The following BCAS3 variants were observed in gnomAD, a reference collection of about 807,000 sequenced individuals.
The protein encoded by BCAS3 is BCAS4/BCAS3 fusion.
BCAS3 carries 53 observed loss-of-function variants against 116.1 expected under a neutral mutation model. That is an observed-to-expected ratio of 0.46 (90% CI 0.37 to 0.57). The LOEUF is 0.57. Among genes scored for constraint, BCAS3 ranks in the 20% least tolerant of loss-of-function variants. The probability of loss-of-function intolerance (pLI) is 0.00; values close to 1 mark genes in which losing one functional copy is unlikely to be tolerated. For synonymous variants in BCAS3, 391 were observed against 408.2 expected (o/e 0.96, Z 0.51); for missense variants, 917 against 1,165.4 (o/e 0.79, Z 3.10).
chr17:60,762,557 T>C (rs2043646973), intron 6 of BCAS3, among the ~76,000 whole-genome samples: 1 of 152,224 alleles, frequency 6.6e-6, no homozygotes, highest in African/African-American at 2.4e-5. Context: ...CTTTGGTCTA[T>C]ATCTCTGTTT....
At chr17:60,727,488 C>T in intron 5 of BCAS3, 4 of 1,521,986 alleles carry the variant, frequency 2.6e-6, no homozygotes, top group Non-Finnish European at 2.6e-6. Flanking sequence ...ACCATCTTTG[C>T]AGCAGGGCTG....
Position 60,752,079 on chromosome 17 carries a change from G to A in BCAS3, c.403+4800G>A, listed in dbSNP as rs542115665. Among the ~76,000 whole-genome samples, 9 of 151,746 alleles carry A rather than the reference G, an allele frequency of 5.9e-5. No individual in the cohort carries two copies. The South Asian group carries it at 1.7e-3, about 28-fold the overall frequency. Reference sequence around the variant, plus strand: ...TTTTTCCCCTTAACTATTCACACATGCATAACACTAACTTATATTATTATG... The same window carrying A: ...TTTTTCCCCTTAACTATTCACACATACATAACACTAACTTATATTATTATG... On this transcript the variant is annotated intron_variant, in intron 6 of 23. Transcript: ENST00000407086.
chr17:60,716,073 A>G (rs749453227), intron 5 of BCAS3, among the ~76,000 whole-genome samples: 3 of 151,338 alleles, frequency 2.0e-5, no homozygotes, highest in Non-Finnish European at 4.4e-5. Context: ...ATGTTGGTCA[A>G]GCTGGTCTCG....
At chr17:60,792,267 G>A (rs1012314696) in intron 6 of BCAS3, among the ~76,000 whole-genome samples, 1 of 152,250 alleles carries the variant, frequency 6.6e-6, no homozygotes, top group East Asian at 1.9e-4. Context: ...ACAGGCAGAA[G>A]CCCCACCTTC....
At chr17:60,765,061 C>G (rs976254342) in intron 6 of BCAS3, among the ~76,000 whole-genome samples, 3 of 152,092 alleles carry the variant, frequency 2.0e-5, no homozygotes, top group Non-Finnish European at 4.4e-5. Context: ...TCCTCCATCC[C>G]GTTATTTTGA....
intron 22 of BCAS3, among the ~76,000 whole-genome samples, chr17:61,085,751 G>A (rs557650083): frequency 9.2e-5 from 14 of 151,982 alleles, no homozygotes; most frequent in South Asian, 2.1e-4. Context: ...ATTGCTTCCC[G>A]GCACTGAATG....
intron 22 of BCAS3, among the ~76,000 whole-genome samples, chr17:61,110,485 C>T (rs188071858): frequency 1.1e-4 from 16 of 152,284 alleles, no homozygotes; most frequent in Admixed American, 3.3e-4. Flanking sequence ...GGGTGACGGA[C>T]GCACCTGGAT....
intron 6 of BCAS3, among the ~76,000 whole-genome samples, chr17:60,770,922 A>G (rs2044638220): frequency 7.7e-6 from 1 of 130,368 alleles, no homozygotes; most frequent in African/African-American, 2.7e-5. Context: ...ATCTTGGCTC[A>G]CTACAACCTC....
chr17:60,978,054 C>G (rs1312820603), intron 14 of BCAS3, among the ~76,000 whole-genome samples: 4 of 129,266 alleles, frequency 3.1e-5, no homozygotes, highest in Admixed American at 7.3e-5. Context: ...ATTTCTAGTT[C>G]TAGATCCCTG....
chr17:60,694,094 G>A (rs2035250668), intron 4 of BCAS3, among the ~76,000 whole-genome samples: 1 of 149,432 alleles, frequency 6.7e-6, no homozygotes, highest in Non-Finnish European at 1.5e-5. Context: ...CACCATGTTA[G>A]CCAGGATGGT....
intron 22 of BCAS3, among the ~76,000 whole-genome samples, chr17:61,308,093 A>G (rs1602569586): frequency 6.6e-6 from 1 of 152,164 alleles, no homozygotes; most frequent in Non-Finnish European, 1.5e-5. Flanking sequence ...CAGAAACTAG[A>G]CCAGCCAGGC....
chr17:61,044,465 A>AAAAAAATATATATATATATATATATAT, intron 19 of BCAS3, among the ~76,000 whole-genome samples: 1 of 120,126 alleles, frequency 8.3e-6, no homozygotes, highest in African/African-American at 5.0e-5. Context: ...AAAAAAAAAA[A>AAAAAAATATATATATATATATATATAT]ATATATATAT....
At chr17:60,846,777 T>C (rs142175399) in intron 7 of BCAS3, among the ~76,000 whole-genome samples, 42 of 152,232 alleles carry the variant, frequency 2.8e-4, no homozygotes, top group African/African-American at 1.0e-3. Flanking sequence ...CTTCATTCCT[T>C]CTTTCCTTCT....
chr17:60,738,024 T>C (rs558133636), intron 5 of BCAS3, among the ~76,000 whole-genome samples: 1 of 152,244 alleles, frequency 6.6e-6, no homozygotes, highest in East Asian at 1.9e-4. Context: ...TGATCTCAGG[T>C]GATCTGCTTG....
chr17:61,041,019 C>A lies in BCAS3; in HGVS notation c.2029+127C>A. Reference sequence around the variant, plus strand: ...TGGGCCTTAAAGAATCAGTTTGAGGCAAATAAGATATTTAATATGAATATA... The same window carrying A: ...TGGGCCTTAAAGAATCAGTTTGAGGAAAATAAGATATTTAATATGAATATA... On this transcript the variant is annotated intron_variant, in intron 19 of 23. Transcript: ENST00000407086. This position sits in a 1 kb window ranked among gnomAD's most constrained non-coding sequence, Gnocchi z 4.7. 1.4e-6 allele frequency: 1 copy of A among 692,158 alleles called. No homozygotes were observed. 42.9% of individuals were successfully genotyped at this position (692,158 alleles called of 1,614,324 possible). A position where few individuals can be genotyped will look rare whatever the true frequency, so the allele number is the denominator to read the frequency against.
chr17:60,942,915 A>G (rs1330085512), intron 13 of BCAS3, among the ~76,000 whole-genome samples: 1 of 152,170 alleles, frequency 6.6e-6, no homozygotes, highest in Non-Finnish European at 1.5e-5. Context: ...ACAAAATACA[A>G]CTGAACAGGC....
chr17:61,147,039 C>G (rs1246903560), intron 22 of BCAS3, among the ~76,000 whole-genome samples: 4 of 151,542 alleles, frequency 2.6e-5, no homozygotes, highest in African/African-American at 9.7e-5. Context: ...CTCATCCTCC[C>G]GAGTAGTTGG....
In BCAS3 at chr17:61,031,863, T is replaced by C. The variant is rs149119583; in HGVS notation, c.1638-2803T>C. ...GGTAATTCTTTACTGAAATTAAGCA[T>C]AGTTTTACCATAAAATACTTATTTT... On this transcript the variant is annotated intron_variant, in intron 16 of 23. Transcript: ENST00000407086. Among the ~76,000 whole-genome samples, 367 of 152,228 alleles carry C rather than the reference T, an allele frequency of 2.4e-3. 2 individuals carry two copies. Among genetic ancestry groups the C allele is most frequent in the African/African-American group, 7.7e-3 (322 of 41,560 alleles).
chr17:60,897,524 A>G (rs564477868), intron 10 of BCAS3, among the ~76,000 whole-genome samples: 7 of 152,124 alleles, frequency 4.6e-5, no homozygotes, highest in African/African-American at 1.7e-4. Flanking sequence ...TTCTCTCTTC[A>G]ATGTCAGGAA....
Sources: allele counts gnomAD v4.1 joint callset (sites outside exome capture counted in the v4.1 genomes callset), GRCh38; gene constraint gnomAD v4.1.1; non-coding constraint Gnocchi (gnomAD v3.1); transcripts MANE v1.5; gene names NCBI Gene and HGNC (gene_info 2026-07-23, HGNC 2026-07-21).